The following SFMBT1 variants were observed in gnomAD, a reference collection of about 807,000 sequenced individuals.
SFMBT1 encodes the protein Scm like with four mbt domains 1, also known as scm-like with four MBT domains protein 1.
A neutral mutation model predicts 108.7 loss-of-function variants in SFMBT1; 32 were observed. That is an observed-to-expected ratio of 0.29 (90% CI 0.22 to 0.40). The LOEUF (loss-of-function observed/expected upper bound fraction) is 0.40, where lower values mean the gene tolerates loss of function less well. Ranked by LOEUF, SFMBT1 falls within the 10% of genes least tolerant of loss-of-function variation. The probability of loss-of-function intolerance (pLI) is 1.00; values close to 1 mark genes in which losing one functional copy is unlikely to be tolerated. For missense variants in SFMBT1, 816 were observed against 1,059.6 expected (o/e 0.77, Z 3.19); for synonymous variants, 348 against 369.5 (o/e 0.94, Z 0.67).
chr3:52,966,076 G>A (rs1414203966), intron 2 of SFMBT1, among the ~76,000 whole-genome samples: 1 of 147,364 alleles, frequency 6.8e-6, no homozygotes, highest in Non-Finnish European at 1.5e-5. Flanking sequence ...CCAGCACTTT[G>A]GGAGGCCGAG....
chr3:52,953,246 G>A lies in SFMBT1; in HGVS notation c.123+1071C>T, dbSNP rs192316158. 1.5e-3 allele frequency among the ~76,000 whole-genome samples: 230 copies of A among 152,234 alleles called. 1 individual carries two copies. The highest frequency in any genetic ancestry group is 5.4e-3 in the African/African-American group (225 of 41,526). On this transcript the variant is annotated intron_variant, in intron 3 of 20. Coordinates refer to ENST00000394752, the MANE Select transcript of SFMBT1 (RefSeq NM_016329.4). ...TCTGGGAGGCCAAGGCAGGAAGATT[G>A]TTTAAGCCCAGGAGTTTAAGACTGG...
chr3:52,962,291 A>ATTCAT (rs547774215), intron 2 of SFMBT1, among the ~76,000 whole-genome samples: 18 of 152,228 alleles, frequency 1.2e-4, no homozygotes, highest in Middle Eastern at 3.2e-3. Context: ...GTACAAAGCC[A>ATTCAT]TTCATTGTAG....
At chr3:53,043,507 T>A (rs1700120392) in intron 1 of SFMBT1, among the ~76,000 whole-genome samples, 1 of 152,222 alleles carries the variant, frequency 6.6e-6, no homozygotes. Flanking sequence ...TCTCAGCAAA[T>A]TCTAGGCATT....
intron 1 of SFMBT1, among the ~76,000 whole-genome samples, chr3:53,029,097 C>T (rs980289666): frequency 2.1e-5 from 3 of 145,022 alleles, no homozygotes; most frequent in Admixed American, 1.4e-4. Flanking sequence ...GGCATGAACC[C>T]GGGAGGCGGA....
At chr3:52,913,667 C>G (rs774410625) in intron 14 of SFMBT1, 50 bp from the exon 15 acceptor site, 2 of 1,591,342 alleles carry the variant, frequency 1.3e-6, no homozygotes, top group Admixed American at 3.5e-5. Context: ...CTCTACCCCA[C>G]GTTTCCAAAG....
Position 52,906,105 on chromosome 3 carries a change from G to A in SFMBT1, c.2460+8C>T, listed in dbSNP as rs1183029026. Reference sequence around the variant, plus strand: ...ACATTACTAAAAATTATAGGTATCTGTGATTACCTGGTCTAGGAATATTCT... The same window carrying A: ...ACATTACTAAAAATTATAGGTATCTATGATTACCTGGTCTAGGAATATTCT... On this transcript the variant is annotated splice_region_variant and intron_variant, in intron 20 of 20. Transcript: ENST00000394752. 1 of 1,613,782 alleles carries A rather than the reference G, an allele frequency of 6.2e-7. No homozygotes were observed. The highest frequency in any genetic ancestry group is 1.1e-5 in the South Asian group (1 of 91,068).
chr3:52,944,539 G>C (rs1208448822), intron 3 of SFMBT1, among the ~76,000 whole-genome samples: 1 of 152,048 alleles, frequency 6.6e-6, no homozygotes, highest in Non-Finnish European at 1.5e-5. Context: ...ATTTTTTTGA[G>C]ACAAAGTTTC....
chr3:52,918,884 G>C (rs574483869), intron 12 of SFMBT1, among the ~76,000 whole-genome samples: 3 of 151,998 alleles, frequency 2.0e-5, no homozygotes, highest in Non-Finnish European at 4.4e-5. Context: ...CTGGCTTCAT[G>C]GAAGACAATT....
intron 14 of SFMBT1, among the ~76,000 whole-genome samples, 156 bp downstream of exon 14, chr3:52,915,994 C>T (rs1321594672): frequency 6.6e-6 from 1 of 152,218 alleles, no homozygotes; most frequent in Non-Finnish European, 1.5e-5. Flanking sequence ...TTAAACTAAA[C>T]ACATCTTAGA....
intron 1 of SFMBT1, among the ~76,000 whole-genome samples, chr3:53,012,568 A>G (rs1172713593): frequency 6.6e-6 from 1 of 151,424 alleles, no homozygotes; most frequent in African/African-American, 2.4e-5. Flanking sequence ...ACGCCCGGCT[A>G]ATTTTTTGTA....
chr3:52,975,737 G>C (rs534869023), intron 1 of SFMBT1, among the ~76,000 whole-genome samples: 1 of 152,262 alleles, frequency 6.6e-6, no homozygotes, highest in South Asian at 2.1e-4. Context: ...AAGTAACTGG[G>C]ATTACAGGTG....
intron 1 of SFMBT1, among the ~76,000 whole-genome samples, chr3:52,976,103 C>T (rs1434303663): frequency 6.6e-6 from 1 of 151,566 alleles, no homozygotes; most frequent in Non-Finnish European, 1.5e-5. Flanking sequence ...AGGCAAGTTC[C>T]TTCTATCAAA....
Position 53,001,855 on chromosome 3 carries a change from G to T in SFMBT1, c.-130-32597C>A, listed in dbSNP as rs527854454. Among the ~76,000 whole-genome samples the T allele has an allele frequency of 8.2e-5, 12 of 146,494 alleles. 2 individuals are homozygous for T. The highest frequency in any genetic ancestry group is 1.5e-4 in the Non-Finnish European group (10 of 65,676). The stretch of plus-strand genomic sequence containing the variant: ...GCTGGAGGATATGTAGGCCCAGGAG[G>T]TCAAGGCTGCAGTGAGCACTGATCC... On this transcript the variant is annotated intron_variant, in intron 1 of 20. Coordinates refer to ENST00000394752, the MANE Select transcript of SFMBT1 (RefSeq NM_016329.4).
rs138319388 is a variant in SFMBT1 at position 52,939,431 on chromosome 3, G to A, written c.364+3922C>T. Among the ~76,000 whole-genome samples the A allele has an allele frequency of 4.7e-3, 718 of 152,180 alleles. 5 individuals are homozygous for A. Among genetic ancestry groups the A allele is most frequent in the Non-Finnish European group, 7.6e-3 (518 of 68,002 alleles). Reference sequence around the variant, plus strand: ...TCAACTAAAAATATAAAAATTAGCTGGGCATGGTGGCATGTACCTGTAGTC... The same window carrying A: ...TCAACTAAAAATATAAAAATTAGCTAGGCATGGTGGCATGTACCTGTAGTC... On this transcript the variant is annotated intron_variant, in intron 4 of 20. Transcript: ENST00000394752.
chr3:53,021,216 T>G (rs1354175778), intron 1 of SFMBT1, among the ~76,000 whole-genome samples: 1 of 152,248 alleles, frequency 6.6e-6, no homozygotes, highest in African/African-American at 2.4e-5. Flanking sequence ...TTATCACTTC[T>G]CTACAACTAG....
chr3:53,011,571 T>C lies in SFMBT1; in HGVS notation c.-131+34245A>G, dbSNP rs554226947. 4.7e-4 allele frequency among the ~76,000 whole-genome samples: 72 copies of C among 152,246 alleles called. 2 individuals are homozygous for C. The South Asian group carries it at 0.015, about 31-fold the overall frequency. On this transcript the variant is annotated intron_variant, in intron 1 of 20. Transcript: ENST00000394752. Reference sequence around the variant, plus strand: ...TTGGACTAGCCCAGAGATCAAAGGCTGTGGGCTTAAAGCAGAGAAGCGGCC... The same window carrying C: ...TTGGACTAGCCCAGAGATCAAAGGCCGTGGGCTTAAAGCAGAGAAGCGGCC...
chr3:53,007,927 T>G lies in SFMBT1; in HGVS notation c.-131+37889A>C, dbSNP rs188232202. Among the ~76,000 whole-genome samples the G allele has an allele frequency of 7.2e-5, 11 of 152,236 alleles. No individual in the cohort carries two copies. The East Asian group carries it at 1.9e-3, about 27-fold the overall frequency. On this transcript the variant is annotated intron_variant, in intron 1 of 20. Transcript: ENST00000394752. ...GAGAAAACATGAGACAAACCCAAAT[T>G]GAAGGACAGGCTACAAAATAACTGG... is the stretch of plus-strand genomic sequence containing the variant.
At position 52,904,828 on chromosome 3, in the gene SFMBT1, TTTG is replaced by T. The variant is rs2106753535; in HGVS notation, c.*305_*307del. The T allele has an allele frequency of 4.2e-6, 1 of 240,550 alleles. No homozygotes were observed. The highest frequency in any genetic ancestry group is 2.3e-5 in the African/African-American group (1 of 44,404). The allele number at this position is 240,550 out of a possible 1,614,324, so 14.9% of individuals were successfully genotyped here. ...TGCTTTCCAGCAGCCTAGGTTATTC[TTTG>T]TTTTCAGGCCACACCACTGGAAATG... On this transcript the variant is annotated 3_prime_UTR_variant, in exon 21 of 21. Coordinates refer to ENST00000394752, the MANE Select transcript of SFMBT1 (RefSeq NM_016329.4).
intron 1 of SFMBT1, among the ~76,000 whole-genome samples, chr3:53,009,925 A>C (rs564614554): frequency 6.6e-6 from 1 of 152,340 alleles, no homozygotes; most frequent in South Asian, 2.1e-4. Context: ...GAGTAGGCTG[A>C]AAAGGAAGAG....
Sources: allele counts gnomAD v4.1 joint callset (sites outside exome capture counted in the v4.1 genomes callset), GRCh38; gene constraint gnomAD v4.1.1; transcripts MANE v1.5; gene names NCBI Gene and HGNC (gene_info 2026-07-23, HGNC 2026-07-21).